Variants in STK3 observed in about 807,000 individuals in gnomAD.
STK3 encodes serine/threonine-protein kinase 3.
A neutral mutation model predicts 58.0 loss-of-function variants in STK3; 41 were observed. That is an observed-to-expected ratio of 0.71 (90% CI 0.55 to 0.92). The LOEUF (loss-of-function observed/expected upper bound fraction) is 0.92, where lower values mean the gene tolerates loss of function less well. Ranked by LOEUF, STK3 falls within the 40% of genes least tolerant of loss-of-function variation. The pLI, the probability that STK3 is intolerant of heterozygous loss-of-function variation, is 0.00. For missense variants in STK3, 479 were observed against 602.7 expected (o/e 0.79, Z 2.15); for synonymous variants, 170 against 191.0 (o/e 0.89, Z 0.91).
intron 3 of STK3, among the ~76,000 whole-genome samples, chr8:98,410,474 T>C (rs1184674171): frequency 1.3e-5 from 2 of 152,192 alleles, no homozygotes; most frequent in Non-Finnish European, 2.9e-5. Context: ...ATTTGTTGAA[T>C]AAATGAAGGA....
intron 4 of STK3, among the ~76,000 whole-genome samples, chr8:98,713,951 C>G (rs1305543469): frequency 6.6e-6 from 1 of 152,180 alleles, no homozygotes; most frequent in Non-Finnish European, 1.5e-5. Context: ...TTGGATTCAT[C>G]CCTGGGATGC....
At chr8:98,685,974 T>C (rs1270336627) in intron 6 of STK3, among the ~76,000 whole-genome samples, 1 of 152,134 alleles carries the variant, frequency 6.6e-6, no homozygotes, top group Admixed American at 6.6e-5. Context: ...CTTATGTAAT[T>C]TGAGATAATA....
chr8:98,710,916 A>T (rs1001851260), intron 4 of STK3, among the ~76,000 whole-genome samples: 1 of 152,184 alleles, frequency 6.6e-6, no homozygotes, highest in Non-Finnish European at 1.5e-5. Flanking sequence ...CACCTCACAC[A>T]GCCCGGTACT....
At chr8:98,405,468 C>CTTAG in intron 3 of STK3, among the ~76,000 whole-genome samples, 1 of 152,278 alleles carries the variant, frequency 6.6e-6, no homozygotes, top group South Asian at 2.1e-4. Flanking sequence ...ATTCTCTCTT[C>CTTAG]TTAGTTGTAA....
In STK3 at chr8:98,922,158, CAAAT is replaced by C. The variant is rs141693257; in HGVS notation, c.-79+20216_-79+20219del. On this transcript the variant is annotated intron_variant, in intron 1 of 1. Transcript: ENST00000519420. ...TTCTGATTAAAAAAAGAAAAAAACT[CAAAT>C]AAAATCACTTTCTGGCATTGCCCTT... 5.2e-3 allele frequency among the ~76,000 whole-genome samples: 794 copies of C among 152,280 alleles called. 15 individuals are homozygous for C. Among genetic ancestry groups the C allele is most frequent in the East Asian group, 0.026 (136 of 5,188 alleles).
chr8:98,878,955 G>A (rs1362775602), downstream of STK3: 1 of 136,424 alleles, frequency 7.3e-6, no homozygotes, highest in Non-Finnish European at 1.5e-5. Flanking sequence ...CTGGAGTGCA[G>A]TGGTGCGATT....
intron 6 of STK3, among the ~76,000 whole-genome samples, chr8:98,650,466 T>G (rs1820795469): frequency 6.6e-6 from 1 of 152,204 alleles, no homozygotes; most frequent in African/African-American, 2.4e-5. Flanking sequence ...TTCACCTCAC[T>G]AGGGAGTGCC....
intron 4 of STK3, among the ~76,000 whole-genome samples, chr8:98,720,737 C>CGA (rs1383161928): frequency 7.9e-6 from 1 of 126,940 alleles, no homozygotes. Context: ...GGTGACAGAG[C>CGA]GAGACTCCGT....
intron 1 of STK3, among the ~76,000 whole-genome samples, chr8:98,940,992 G>T (rs992990684): frequency 2.0e-5 from 3 of 152,220 alleles, no homozygotes; most frequent in African/African-American, 7.2e-5. Context: ...CAGCAAAGGG[G>T]CTCGGGCCCA....
upstream of STK3, among the ~76,000 whole-genome samples, chr8:98,828,593 A>C (rs1056776374): frequency 3.3e-5 from 5 of 151,552 alleles, no homozygotes; most frequent in African/African-American, 9.8e-5. Context: ...AAGAAAGAAA[A>C]GAAAGAAAGA....
chr8:98,825,469 C>A, intron 1 of STK3, 46 bp downstream of exon 1: 2 of 1,436,662 alleles, frequency 1.4e-6, no homozygotes, highest in Non-Finnish European at 1.8e-6. Context: ...CGCCCCGCGG[C>A]CGCCGGCGCC....
chr8:98,902,223 C>A (rs2131954834), intron 1 of STK3, among the ~76,000 whole-genome samples: 1 of 152,252 alleles, frequency 6.6e-6, no homozygotes, highest in Middle Eastern at 3.4e-3. Flanking sequence ...TTCCATCTCC[C>A]TAGATGACCT....
chr8:98,518,827 T>G (rs1825143107), intron 10 of STK3, among the ~76,000 whole-genome samples: 1 of 152,112 alleles, frequency 6.6e-6, no homozygotes, highest in South Asian at 2.1e-4. Context: ...TTTAATTTCC[T>G]GTTGGCTCTA....
intron 6 of STK3, among the ~76,000 whole-genome samples, chr8:98,617,956 C>G (rs1453613383): frequency 6.6e-6 from 1 of 152,142 alleles, no homozygotes; most frequent in East Asian, 1.9e-4. Context: ...CTCCCTAACT[C>G]ATTTTAGGAG....
At chr8:98,406,881 G>T (rs1021658414) in intron 3 of STK3, among the ~76,000 whole-genome samples, 1 of 152,146 alleles carries the variant, frequency 6.6e-6, no homozygotes, top group Non-Finnish European at 1.5e-5. Flanking sequence ...CATGCCTGGG[G>T]GTACAGCAGC....
chr8:98,823,817 A>G (rs981651560), intron 1 of STK3, among the ~76,000 whole-genome samples: 3 of 152,238 alleles, frequency 2.0e-5, no homozygotes, highest in Admixed American at 6.5e-5. Flanking sequence ...AACTAGCATA[A>G]TAAGTAGCAG....
At chr8:98,893,922 A>G (rs1432583456) in intron 1 of STK3, among the ~76,000 whole-genome samples, 3 of 152,276 alleles carry the variant, frequency 2.0e-5, no homozygotes, top group African/African-American at 7.2e-5. Context: ...GAAAAGTATT[A>G]AAGTTTCAGC....
At chr8:98,588,228 G>A (rs536393456) in intron 7 of STK3, among the ~76,000 whole-genome samples, 2 of 151,994 alleles carry the variant, frequency 1.3e-5, no homozygotes, top group South Asian at 2.1e-4. Context: ...ATTTTGCAGC[G>A]GCTGGTGCCG....
chr8:98,621,630 A>T (rs561624530), intron 6 of STK3, among the ~76,000 whole-genome samples: 20 of 151,606 alleles, frequency 1.3e-4, no homozygotes, highest in African/African-American at 4.6e-4. Flanking sequence ...ATTGCATCAA[A>T]TTTTTTTTTC....
Sources: gnomAD v4.1 joint callset for allele counts (sites outside exome capture counted in the v4.1 genomes callset) on GRCh38, gnomAD v4.1.1 for gene constraint, MANE v1.5 for transcripts, NCBI Gene and HGNC (gene_info 2026-07-23, HGNC 2026-07-21) for gene names.